ITIH6: variants seen among roughly 807,000 people sequenced by gnomAD.
ITIH6 encodes inter-alpha-trypsin inhibitor heavy chain H6.
In ITIH6, 60 loss-of-function variants were observed where a neutral mutation model predicts 58.2. The observed-to-expected ratio is 1.03, with a 90% CI of 0.84 to 1.28. The LOEUF is 1.28. ITIH6 is among the 50% of genes most tolerant of loss of function. The pLI is 0.00. For synonymous variants in ITIH6, 493 were observed against 417.4 expected, an observed-to-expected ratio of 1.18 and a Z score of -2.21; for missense variants, 1,290 against 1,021.1, an observed-to-expected ratio of 1.26 and a Z score of -3.59.
In ITIH6 at chrX:54,751,094, G is replaced by A. The variant is rs747517641; in HGVS notation, c.3639C>T (p.Arg1213=). 8.3e-7 allele frequency: 1 copy of A among 1,205,355 alleles called. No homozygotes were observed. Among genetic ancestry groups the A allele is most frequent in the Admixed American group, 2.2e-5 (1 of 45,128 alleles). The change falls in exon 12 of 13, where the codon CGC becomes CGT. Residue 1213 remains arginine (R), a synonymous_variant. Coordinates refer to ENST00000218436, the MANE Select transcript of ITIH6 (RefSeq NM_198510.3). Reference sequence around the variant, plus strand: ...GTTGCAGGGTACTGGGATGCCTGTAGCGGTGTCGGAGGACTAGGAACTCAA... The same window carrying A: ...GTTGCAGGGTACTGGGATGCCTGTAACGGTGTCGGAGGACTAGGAACTCAA... ...PYLEFLVLRH[R]YRHPSTLQLP... is the part of the protein sequence containing the mutation.
Position 54,788,580 on chromosome X carries a change from G to C in ITIH6, c.686C>G (p.Pro229Arg). Residue 229 changes from proline (P) to arginine (R), a missense_variant, in exon 5 of 13, where the codon CCG becomes CGG. By Grantham distance (103) the Pro-to-Arg change is moderately radical. Coordinates refer to ENST00000218436, the MANE Select transcript of ITIH6 (RefSeq NM_198510.3). ...GETCVRITYC[P>R]TLQDQSSISG... ...GATGGACGACTGGTCTTGCAATGTCGGGCAGTAGGTGATTCGGACACAGGT... is the reference window on the plus strand; with the variant it reads ...GATGGACGACTGGTCTTGCAATGTCCGGCAGTAGGTGATTCGGACACAGGT... 8.3e-7 allele frequency: 1 copy of C among 1,209,354 alleles called. No individual in the cohort carries two copies. Among genetic ancestry groups the C allele is most frequent in the South Asian group, 1.8e-5 (1 of 56,747 alleles).
intron 6 of ITIH6, among the ~76,000 whole-genome samples, chrX:54,767,191 T>C (rs1200330559): frequency 9.4e-6 from 1 of 105,934 alleles, no homozygotes; most frequent in Non-Finnish European, 1.9e-5. Flanking sequence ...GTGTTTGTAG[T>C]ATTCTCTGAT....
chrX:54,789,319 A>T (rs1929301992), intron 4 of ITIH6, among the ~76,000 whole-genome samples: 6 of 111,451 alleles, frequency 5.4e-5, no homozygotes, highest in Admixed American at 4.7e-4. Flanking sequence ...TAGAAATGTC[A>T]CTGTGCCTCC....
chrX:54,790,221 T>C (rs1247172541), intron 4 of ITIH6, among the ~76,000 whole-genome samples: 1 of 105,679 alleles, frequency 9.5e-6, no homozygotes, highest in Non-Finnish European at 2.0e-5. Context: ...CTGAGACTGG[T>C]TGATGACACA....
chrX:54,783,784 G>A (rs1005632158), intron 5 of ITIH6, among the ~76,000 whole-genome samples: 2 of 111,836 alleles, frequency 1.8e-5, no homozygotes, highest in African/African-American at 6.5e-5. Context: ...CAGATTCAAA[G>A]CAATCCCTAT....
Position 54,798,173 on chromosome X carries a change from A to G in ITIH6, c.38T>C (p.Leu13Ser), listed in dbSNP as rs1306437888. Reference sequence around the variant, plus strand: ...TGTCAGTTCAAGAAGAATGGTCAGCAAAAAGCTGACACAGATGAGGTACCT... The same window carrying G: ...TGTCAGTTCAAGAAGAATGGTCAGCGAAAAGCTGACACAGATGAGGTACCT... Reference protein sequence around the residue: ...GWRYLICVSFLLTILLELTYQ... With the variant: ...GWRYLICVSFSLTILLELTYQ... The change falls in exon 1 of 13, where the codon TTG (leucine) becomes TCG (serine). Residue 13 changes from leucine (L) to serine (S), a missense_variant. Leu to Ser is a moderately radical substitution (Grantham distance 145). Transcript: ENST00000218436. The G allele has an allele frequency of 2.5e-6, 3 of 1,186,787 alleles. No homozygotes were observed. The highest frequency in any genetic ancestry group is 1.1e-6 in the Non-Finnish European group (1 of 882,666).
At chrX:54,761,759 A>G (rs1187516762) in intron 6 of ITIH6, among the ~76,000 whole-genome samples, 6 of 110,587 alleles carry the variant, frequency 5.4e-5, no homozygotes, top group Middle Eastern at 9.3e-3. Context: ...GATGTGTGGT[A>G]TTATTTCTGA....
Position 54,791,020 on chromosome X carries a change from A to T in ITIH6, c.433T>A (p.Ser145Thr), listed in dbSNP as rs751498754. ...TGAAGCAGTTCCTCATAGGCCAGGG[A>T]AAAAGTCACCTCTGTGCCTGCTGCC... Reference protein sequence around the residue: ...SLAAGTEVTFSLAYEELLQRH... With the variant: ...SLAAGTEVTFTLAYEELLQRH... Residue 145 changes from serine to threonine, a missense_variant, in exon 4 of 13, where the codon TCC becomes ACC. Transcript: ENST00000218436. The T allele has an allele frequency of 8.3e-6, 10 of 1,209,979 alleles. No individual in the cohort carries two copies. The African/African-American group carries it at 1.2e-4, about 15-fold the overall frequency.
At chrX:54,774,422 G>A (rs1211798675) in intron 5 of ITIH6, among the ~76,000 whole-genome samples, 2 of 113,076 alleles carry the variant, frequency 1.8e-5, no homozygotes, top group South Asian at 3.6e-4. Flanking sequence ...CCCCAGAGCT[G>A]TGGAGGGAAT....
intron 11 of ITIH6, 133 bp from the exon 12 acceptor site, chrX:54,751,513 C>T: frequency 1.4e-6 from 1 of 736,187 alleles, no homozygotes; most frequent in Non-Finnish European, 2.0e-6. Flanking sequence ...CTACTTCTAC[C>T]ATGGTCCACC....
At chrX:54,750,871 T>C in intron 12 of ITIH6, 132 bp downstream of exon 12, 1 of 677,433 alleles carries the variant, frequency 1.5e-6, no homozygotes, top group South Asian at 3.1e-5. Flanking sequence ...TCTCCCAAGA[T>C]GAGGAGCTCC....
chrX:54,798,071 C>T, intron 1 of ITIH6, 38 bp downstream of exon 1: 2 of 988,605 alleles, frequency 2.0e-6, no homozygotes, highest in South Asian at 2.2e-5. Flanking sequence ...AATTTTATCA[C>T]AAATCCCCAA....
chrX:54,784,320 C>T (rs112045298), intron 5 of ITIH6, among the ~76,000 whole-genome samples: 256 of 111,362 alleles, frequency 2.3e-3, no homozygotes, highest in African/African-American at 7.5e-3. Context: ...CACAAGCAAC[C>T]GTAGTAAAAG....
chrX:54,770,368 C>T (rs995879089), intron 6 of ITIH6, among the ~76,000 whole-genome samples: 5 of 112,732 alleles, frequency 4.4e-5, no homozygotes, highest in Admixed American at 9.3e-5. Flanking sequence ...AGCTGTAGAC[C>T]GGAGCTGTTC....
rs772560774 is a variant in ITIH6, at chrX:54,757,027, G to C, written c.3047C>G (p.Ser1016Cys). ...TGGGTTCAAGGACTCCACGAACTTG[G>C]ATTCCACCATTGATTCAGACAGCAG... ...LELLSESMVE[S>C]KFVESLNPPA... The change falls in exon 8 of 13, where the codon TCC becomes TGC. Residue 1016 changes from serine to cysteine, a missense_variant. Transcript: ENST00000218436. 1 of 1,210,340 alleles carries C rather than the reference G, an allele frequency of 8.3e-7. No individual in the cohort carries two copies. The highest frequency in any genetic ancestry group is 1.1e-6 in the Non-Finnish European group (1 of 894,883).
chrX:54,770,700 TC>T, intron 6 of ITIH6, among the ~76,000 whole-genome samples: 1 of 112,451 alleles, frequency 8.9e-6, no homozygotes, highest in African/African-American at 3.2e-5. Context: ...TAAGCTACAT[TC>T]ACTAAATACA....
chrX:54,765,949 G>A (rs1177051878), intron 6 of ITIH6, among the ~76,000 whole-genome samples: 3 of 111,488 alleles, frequency 2.7e-5, no homozygotes, highest in African/African-American at 6.5e-5. Flanking sequence ...GTAGATTGAT[G>A]GGGATGGCAT....
At position 54,791,022 on chromosome X, in the gene ITIH6, A is replaced by G; in HGVS notation, c.431T>C (p.Phe144Ser). 1 of 1,211,855 alleles carries G rather than the reference A, an allele frequency of 8.3e-7. No homozygotes were observed. Among genetic ancestry groups the G allele is most frequent in the Non-Finnish European group, 1.1e-6 (1 of 895,325 alleles). The change falls in exon 4 of 13, where the codon TTT becomes TCT. Residue 144 changes from phenylalanine to serine, a missense_variant. Coordinates refer to ENST00000218436, the MANE Select transcript of ITIH6 (RefSeq NM_198510.3). ...TSLAAGTEVT[F>S]SLAYEELLQR... ...AAGCAGTTCCTCATAGGCCAGGGAA[A>G]AAGTCACCTCTGTGCCTGCTGCCAG...
chrX:54,751,081 T>A lies in ITIH6; in HGVS notation c.3652A>T (p.Ser1218Cys). 8.3e-7 allele frequency: 1 copy of A among 1,202,145 alleles called. No individual in the cohort carries two copies. The highest frequency in any genetic ancestry group is 1.1e-6 in the Non-Finnish European group (1 of 890,746). ...CCCAGGTGGGGTAGTTGCAGGGTACTGGGATGCCTGTAGCGGTGTCGGAGG... is the reference window on the plus strand; with the variant it reads ...CCCAGGTGGGGTAGTTGCAGGGTACAGGGATGCCTGTAGCGGTGTCGGAGG... ...LVLRHRYRHP[S>C]TLQLPHLGFY... Residue 1218 changes from serine to cysteine, a missense_variant, in exon 12 of 13, where the codon AGT becomes TGT. Ser to Cys is a moderately radical substitution (Grantham distance 112). Transcript: ENST00000218436.
Sources: allele counts gnomAD v4.1 joint callset (sites outside exome capture counted in the v4.1 genomes callset), GRCh38; gene constraint gnomAD v4.1.1; transcripts MANE v1.5; gene names NCBI Gene and HGNC (gene_info 2026-07-23, HGNC 2026-07-21).